SNX29: variants seen among roughly 807,000 people sequenced by gnomAD.
The protein encoded by SNX29 is sorting nexin-29.
In SNX29, 78 loss-of-function variants were observed where a neutral mutation model predicts 102.1. That is an observed-to-expected ratio of 0.76 (90% confidence interval 0.64 to 0.92). SNX29 has a LOEUF of 0.92. SNX29 is among the 40% of genes least tolerant of loss of function. The pLI is 0.00. For missense variants in SNX29, 1,280 were observed against 1,061.7 expected (o/e 1.21, Z -2.86); for synonymous variants, 580 against 414.5 (o/e 1.40, Z -4.85).
At chr16:12,424,262 A>G (rs539085893) in intron 18 of SNX29, among the ~76,000 whole-genome samples, 1 of 152,300 alleles carries the variant, frequency 6.6e-6, no homozygotes, top group East Asian at 1.9e-4. Flanking sequence ...GGGTGTGGCC[A>G]TTGCCCAAGG....
chr16:12,076,542 TC>T (rs1367762266), intron 10 of SNX29, among the ~76,000 whole-genome samples: 1 of 152,212 alleles, frequency 6.6e-6, no homozygotes, highest in Non-Finnish European at 1.5e-5. Context: ...CCTCATGTGA[TC>T]CGCCTGCCTT....
chr16:12,409,735 C>T (rs757710283), intron 18 of SNX29, among the ~76,000 whole-genome samples: 3 of 152,160 alleles, frequency 2.0e-5, no homozygotes, highest in African/African-American at 4.8e-5. Context: ...TTGTTTTCTT[C>T]AACTATTACA....
intron 14 of SNX29, among the ~76,000 whole-genome samples, chr16:12,230,088 T>G (rs2077725611): frequency 2.6e-5 from 4 of 152,248 alleles, no homozygotes; most frequent in Non-Finnish European, 5.9e-5. Context: ...AAAACTTGCA[T>G]CAGCCCGGAT....
At position 12,567,932 on chromosome 16, in the gene SNX29, C is replaced by T. The variant is rs186054552; in HGVS notation, c.2319-574C>T. On this transcript the variant is annotated intron_variant, in intron 20 of 20. Transcript: ENST00000566228. ...GGGACCCACACACGCTGTGTGTTCG[C>T]GTTGCTTCAGAACCAGGATCAGTGT... Among the ~76,000 whole-genome samples, 139 of 152,282 alleles carry T rather than the reference C, an allele frequency of 9.1e-4. 1 individual carries two copies. Among genetic ancestry groups the T allele is most frequent in the African/African-American group, 3.2e-3 (132 of 41,562 alleles).
chr16:12,563,158 G>T (rs1251538088), intron 20 of SNX29, among the ~76,000 whole-genome samples: 2 of 151,718 alleles, frequency 1.3e-5, no homozygotes, highest in African/African-American at 4.9e-5. Context: ...CTCCAGGGGG[G>T]GCAACTCTGG....
intron 13 of SNX29, among the ~76,000 whole-genome samples, chr16:12,168,405 C>T (rs2076066230): frequency 6.6e-6 from 1 of 152,318 alleles, no homozygotes; most frequent in South Asian, 2.1e-4. Context: ...TCACGGGTCA[C>T]ATGGCAAGCT....
At chr16:12,127,504 C>T (rs982649721) in intron 12 of SNX29, among the ~76,000 whole-genome samples, 1 of 150,502 alleles carries the variant, frequency 6.6e-6, no homozygotes, top group Non-Finnish European at 1.5e-5. Context: ...TCACTGCAAC[C>T]TCCACCTCCC....
chr16:12,568,677 T>C lies in SNX29; in HGVS notation c.*48T>C. ...GGCCCTGTGCGTGGCACCAGCTGCG[T>C]CCACCCCAGCCACTGCCGCTGGCCC... On this transcript the variant is annotated 3_prime_UTR_variant, in exon 21 of 21. Transcript: ENST00000566228. The C allele has an allele frequency of 4.4e-6, 7 of 1,586,176 alleles. No individual in the cohort carries two copies. Among genetic ancestry groups the C allele is most frequent in the Non-Finnish European group, 6.0e-6 (7 of 1,172,728 alleles).
At chr16:12,338,736 C>T (rs1176588832) in intron 15 of SNX29, among the ~76,000 whole-genome samples, 1 of 152,148 alleles carries the variant, frequency 6.6e-6, no homozygotes, top group African/African-American at 2.4e-5. Flanking sequence ...GTGGCAGGGG[C>T]CTGGGAGATG....
At chr16:12,548,169 A>C (rs1037684944) in intron 20 of SNX29, among the ~76,000 whole-genome samples, 2 of 152,094 alleles carry the variant, frequency 1.3e-5, no homozygotes, top group African/African-American at 4.8e-5. Context: ...GGCCACACAC[A>C]TTTGCTCTCT....
At chr16:12,185,821 C>T (rs2076496966) in intron 13 of SNX29, among the ~76,000 whole-genome samples, 1 of 152,204 alleles carries the variant, frequency 6.6e-6, no homozygotes, top group Non-Finnish European at 1.5e-5. Flanking sequence ...TCCCCAGATG[C>T]TATGCCTCTG....
intron 13 of SNX29, among the ~76,000 whole-genome samples, chr16:12,165,407 C>T (rs2055975685): frequency 6.6e-6 from 1 of 152,176 alleles, no homozygotes; most frequent in African/African-American, 2.4e-5. Flanking sequence ...TGTCTCAGGT[C>T]AAGTCACTTA....
chr16:12,571,172 C>T lies in SNX29; in HGVS notation c.*2543C>T, dbSNP rs989994286. 8.6e-6 allele frequency: 2 copies of T among 232,552 alleles called. No homozygotes were observed. Among genetic ancestry groups the T allele is most frequent in the South Asian group, 1.8e-4 (1 of 5,528 alleles). The allele number at this position is 232,552 out of a possible 1,614,324, so 14.4% of individuals were successfully genotyped here. A position where few individuals can be genotyped will look rare whatever the true frequency, so the allele number is the denominator to read the frequency against. ...GCTCAGAAGAATCCCGTCCTGCTCTCTAGTGTGGTGGGATGAACTTCAGGC... is the reference window on the plus strand; with the variant it reads ...GCTCAGAAGAATCCCGTCCTGCTCTTTAGTGTGGTGGGATGAACTTCAGGC... On this transcript the variant is annotated 3_prime_UTR_variant, in exon 21 of 21. Coordinates refer to ENST00000566228, the MANE Select transcript of SNX29 (RefSeq NM_032167.5).
At chr16:12,116,123 C>T (rs181666300) in intron 11 of SNX29, among the ~76,000 whole-genome samples, 1 of 152,196 alleles carries the variant, frequency 6.6e-6, no homozygotes, top group African/African-American at 2.4e-5. Context: ...AACTCTCTCT[C>T]CTAATTGTGG....
Position 12,552,085 on chromosome 16 carries a change from CTG to C in SNX29, c.2319-16418_2319-16417del, listed in dbSNP as rs145793779. On this transcript the variant is annotated intron_variant, in intron 20 of 20. Transcript: ENST00000566228. ...CTGAATCTCTGTCTCAATCACTCAA[CTG>C]TGCTATCCTCAGTGAGTGTAACCAT... 1.8e-3 allele frequency among the ~76,000 whole-genome samples: 272 copies of C among 152,340 alleles called. 3 individuals are homozygous for C. The highest frequency in any genetic ancestry group is 6.8e-3 in the Middle Eastern group (2 of 294).
chr16:12,529,859 G>A (rs1448116134), intron 20 of SNX29, among the ~76,000 whole-genome samples: 1 of 152,172 alleles, frequency 6.6e-6, no homozygotes, highest in Non-Finnish European at 1.5e-5. Flanking sequence ...ACTGCTAACA[G>A]GAAGTAGCAA....
At chr16:12,525,569 G>A (rs1463286652) in intron 20 of SNX29, among the ~76,000 whole-genome samples, 2 of 151,978 alleles carry the variant, frequency 1.3e-5, no homozygotes, top group Non-Finnish European at 2.9e-5. Flanking sequence ...GCAGGCGCCT[G>A]TAGTCCCAGC....
At chr16:12,467,611 T>TGTTCGTTCGTTCGTTC (rs1404614273) in intron 18 of SNX29, among the ~76,000 whole-genome samples, 2 of 136,540 alleles carry the variant, frequency 1.5e-5, no homozygotes, top group South Asian at 4.5e-4. Context: ...TTTGTTCGTT[T>TGTTCGTTCGTTCGTTC]GTTCGTTCGT....
chr16:12,482,556 C>T (rs910918031), intron 19 of SNX29, among the ~76,000 whole-genome samples: 1 of 152,216 alleles, frequency 6.6e-6, no homozygotes, highest in African/African-American at 2.4e-5. Flanking sequence ...CCCACCTCAG[C>T]CACCCAAAGT....
Sources: allele counts gnomAD v4.1 joint callset (sites outside exome capture counted in the v4.1 genomes callset), GRCh38; gene constraint gnomAD v4.1.1; transcripts MANE v1.5; gene names NCBI Gene and HGNC (gene_info 2026-07-23, HGNC 2026-07-21).